The following RAD51B variants were observed in gnomAD, a reference collection of about 807,000 sequenced individuals.
RAD51B encodes DNA repair protein RAD51 homolog 2.
In RAD51B, 38 loss-of-function variants were observed where a neutral mutation model predicts 42.2. That is an observed-to-expected ratio of 0.90 (90% CI 0.70 to 1.18). The LOEUF (loss-of-function observed/expected upper bound fraction) is 1.18. Ranked by LOEUF, RAD51B falls within the 50% of genes most tolerant of loss-of-function variation. RAD51B has a pLI of 0.00. For synonymous variants in RAD51B, 154 were observed against 145.2 expected (o/e 1.06, Z -0.43); for missense variants, 373 against 400.7 (o/e 0.93, Z 0.59).
intron 8 of RAD51B, among the ~76,000 whole-genome samples, chr14:68,366,013 G>A (rs574405299): frequency 6.6e-6 from 1 of 152,284 alleles, no homozygotes; most frequent in South Asian, 2.1e-4. Flanking sequence ...GCAATTCAAA[G>A]ACTAGTGTCG....
At chr14:68,127,923 A>G (rs2077805546) in intron 7 of RAD51B, among the ~76,000 whole-genome samples, 1 of 152,234 alleles carries the variant, frequency 6.6e-6, no homozygotes, top group African/African-American at 2.4e-5. Flanking sequence ...CCCTGTGAGT[A>G]GGTGCTATAC....
At chr14:68,185,077 A>T (rs2079130772) in intron 7 of RAD51B, among the ~76,000 whole-genome samples, 2 of 152,150 alleles carry the variant, frequency 1.3e-5, no homozygotes, top group African/African-American at 2.4e-5. Flanking sequence ...TCCAAATTTT[A>T]TGCACTGGGA....
chr14:68,407,445 C>T (rs1013964509), intron 8 of RAD51B, among the ~76,000 whole-genome samples: 1 of 152,188 alleles, frequency 6.6e-6, no homozygotes, highest in Non-Finnish European at 1.5e-5. Flanking sequence ...TCACCACAAG[C>T]ATGTGAGTAT....
intron 7 of RAD51B, among the ~76,000 whole-genome samples, chr14:68,004,308 G>C (rs2075541353): frequency 6.8e-6 from 1 of 146,338 alleles, no homozygotes; most frequent in African/African-American, 2.6e-5. Context: ...ACTCCAGCCT[G>C]GGCAACACAG....
chr14:68,205,461 G>C (rs1430096265), intron 7 of RAD51B, among the ~76,000 whole-genome samples: 1 of 152,144 alleles, frequency 6.6e-6, no homozygotes, highest in Non-Finnish European at 1.5e-5. Flanking sequence ...AGAGGTGAGA[G>C]AGAGAAGACT....
At chr14:68,535,178 A>G (rs997429993) in intron 10 of RAD51B, among the ~76,000 whole-genome samples, 4 of 152,284 alleles carry the variant, frequency 2.6e-5, no homozygotes, top group Non-Finnish European at 5.9e-5. Flanking sequence ...AGCCCAGGTA[A>G]TGGTAAAAGA....
chr14:68,583,888 A>G (rs963132374), intron 10 of RAD51B, among the ~76,000 whole-genome samples: 1 of 151,738 alleles, frequency 6.6e-6, no homozygotes, highest in Non-Finnish European at 1.5e-5. Flanking sequence ...TATTCCTTTA[A>G]CCTGTGGACA....
chr14:68,406,115 A>G (rs2084267518), intron 8 of RAD51B, among the ~76,000 whole-genome samples: 1 of 152,194 alleles, frequency 6.6e-6, no homozygotes, highest in Non-Finnish European at 1.5e-5. Context: ...TCAGTATTAT[A>G]AGCATCCTCT....
chr14:68,603,096 T>A (rs1344893509), intron 10 of RAD51B, among the ~76,000 whole-genome samples: 5 of 152,146 alleles, frequency 3.3e-5, no homozygotes, highest in Non-Finnish European at 7.4e-5. Flanking sequence ...CGTGTTCCTC[T>A]CCTCTCCCTC....
intron 8 of RAD51B, among the ~76,000 whole-genome samples, chr14:68,368,649 A>G (rs1176560977): frequency 6.6e-6 from 1 of 152,198 alleles, no homozygotes; most frequent in Non-Finnish European, 1.5e-5. Flanking sequence ...CAGTGGTGGT[A>G]CAAGTGCTGC....
At chr14:68,675,030 A>C (rs1893275361) in intron 11 of RAD51B, among the ~76,000 whole-genome samples, 1 of 152,192 alleles carries the variant, frequency 6.6e-6, no homozygotes, top group South Asian at 2.1e-4. Flanking sequence ...CTTTACCATA[A>C]GCCATAGTTC....
At chr14:68,537,468 C>T (rs537791528) in intron 10 of RAD51B, among the ~76,000 whole-genome samples, 1 of 149,642 alleles carries the variant, frequency 6.7e-6, no homozygotes, top group Admixed American at 6.7e-5. Flanking sequence ...CACTGTACTC[C>T]AGCCTGGGCG....
intron 7 of RAD51B, among the ~76,000 whole-genome samples, chr14:68,142,317 C>T (rs545831161): frequency 6.6e-6 from 1 of 152,250 alleles, no homozygotes; most frequent in Admixed American, 6.5e-5. Context: ...CAGAGTTAGA[C>T]TCTTTTAAGC....
At chr14:67,873,421 T>G (rs2042613635) in intron 5 of RAD51B, among the ~76,000 whole-genome samples, 2 of 151,348 alleles carry the variant, frequency 1.3e-5, no homozygotes, top group African/African-American at 4.9e-5. Context: ...TGGCAATCAT[T>G]AAAAAGTCAG....
intron 10 of RAD51B, among the ~76,000 whole-genome samples, chr14:68,514,922 A>G (rs1886027333): frequency 6.6e-6 from 1 of 152,082 alleles, no homozygotes; most frequent in African/African-American, 2.4e-5. Context: ...ACATTCTTGC[A>G]CTCTCTTAAA....
In RAD51B at chr14:68,595,036, G is replaced by C. The variant is rs73284053; in HGVS notation, c.*433G>C. The C allele has an allele frequency of 9.0e-3, 9,674 of 1,073,242 alleles. 477 individuals carry two copies. In the African/African-American group the frequency reaches 0.12, roughly 13 times the overall value. The allele number at this position is 1,073,242 out of a possible 1,614,324, so 66.5% of individuals were successfully genotyped here. ...ATCCAGTAGCCTAGATTTTGCCCCAGTTTCTCCACTGAGTATTTACTCAGT... is the reference window on the plus strand; with the variant it reads ...ATCCAGTAGCCTAGATTTTGCCCCACTTTCTCCACTGAGTATTTACTCAGT... On this transcript the variant is annotated 3_prime_UTR_variant, in exon 11 of 11. Coordinates refer to the RAD51B transcript ENST00000487270.
At chr14:68,363,100 C>T (rs2083065902) in intron 8 of RAD51B, among the ~76,000 whole-genome samples, 1 of 152,184 alleles carries the variant, frequency 6.6e-6, no homozygotes. Flanking sequence ...CAATTGCAAA[C>T]TTGGTGCAAA....
At chr14:68,268,880 A>G (rs1444275932) in intron 7 of RAD51B, among the ~76,000 whole-genome samples, 1 of 152,250 alleles carries the variant, frequency 6.6e-6, no homozygotes, top group East Asian at 1.9e-4. Flanking sequence ...ATTCCATTTG[A>G]AAGTGTTTCC....
intron 9 of RAD51B, among the ~76,000 whole-genome samples, chr14:68,462,439 G>A (rs1042529011): frequency 6.6e-6 from 1 of 152,232 alleles, no homozygotes; most frequent in African/African-American, 2.4e-5. Flanking sequence ...TAAGTGCATG[G>A]ATGGGTGGGT....
Sources: gnomAD v4.1 joint callset for allele counts (sites outside exome capture counted in the v4.1 genomes callset) on GRCh38, gnomAD v4.1.1 for gene constraint, MANE v1.5 for transcripts, NCBI Gene and HGNC (gene_info 2026-07-23, HGNC 2026-07-21) for gene names.